The following TASP1 variants were observed in gnomAD, a reference collection of about 807,000 sequenced individuals.
TASP1 encodes taspase 1.
A neutral mutation model predicts 56.6 loss-of-function variants in TASP1; 16 were observed. That is an observed-to-expected ratio of 0.28 (90% CI 0.19 to 0.43). The LOEUF (loss-of-function observed/expected upper bound fraction) is 0.43, where lower values mean the gene tolerates loss of function less well. Ranked by LOEUF, TASP1 falls within the 20% of genes least tolerant of loss-of-function variation. The pLI is 1.00. For missense variants in TASP1, 393 were observed against 511.6 expected, an observed-to-expected ratio of 0.77 and a Z score of 2.24; for synonymous variants, 179 against 184.2, an observed-to-expected ratio of 0.97 and a Z score of 0.23.
intron 8 of TASP1, among the ~76,000 whole-genome samples, chr20:13,538,869 C>T (rs2045514441): frequency 6.6e-6 from 1 of 151,980 alleles, no homozygotes; most frequent in South Asian, 2.1e-4. Context: ...ATGGTGAAAC[C>T]CTGTCTCTAC....
chr20:13,126,802 C>T, the TASP1 span: 10 of 1,515,780 alleles, frequency 6.6e-6, no homozygotes, highest in Non-Finnish European at 8.9e-6. Context: ...CAAATACACA[C>T]CTTTATCTTA....
At chr20:13,205,997 G>A in the TASP1 span, among the ~76,000 whole-genome samples, 3 of 152,212 alleles carry the variant, frequency 2.0e-5, no homozygotes, top group Admixed American at 6.5e-5. Context: ...CTCCATCACC[G>A]GGTGCAGGTC....
chr20:13,614,102 C>T (rs1324783998), intron 4 of TASP1, among the ~76,000 whole-genome samples: 1 of 152,132 alleles, frequency 6.6e-6, no homozygotes, highest in African/African-American at 2.4e-5. Flanking sequence ...GAGGAAATTA[C>T]TCAACTTAGA....
At chr20:13,531,927 G>A (rs1432503053) in intron 9 of TASP1, among the ~76,000 whole-genome samples, 1 of 152,156 alleles carries the variant, frequency 6.6e-6, no homozygotes, top group Admixed American at 6.5e-5. Flanking sequence ...GCCTCCCAAA[G>A]TGCTGGGAAT....
At chr20:13,125,943 A>G in the TASP1 span, among the ~76,000 whole-genome samples, 1 of 152,200 alleles carries the variant, frequency 6.6e-6, no homozygotes, top group Non-Finnish European at 1.5e-5. Context: ...CTATTTTTGT[A>G]AACACTGCTA....
chr20:13,147,288 A>T, the TASP1 span, among the ~76,000 whole-genome samples: 2 of 152,104 alleles, frequency 1.3e-5, no homozygotes, highest in South Asian at 4.2e-4. Context: ...CTCTTAGCAA[A>T]CCACTCCAAA....
chr20:13,524,044 G>C (rs2044873570), intron 10 of TASP1, among the ~76,000 whole-genome samples: 2 of 152,080 alleles, frequency 1.3e-5, no homozygotes, highest in Admixed American at 1.3e-4. Context: ...ACCTACTTGG[G>C]AGGCTGAGGC....
chr20:13,351,586 A>G, the TASP1 span, among the ~76,000 whole-genome samples: 1 of 152,214 alleles, frequency 6.6e-6, no homozygotes, highest in Non-Finnish European at 1.5e-5. Context: ...TGAAAAGGTA[A>G]AACTATAGGA....
chr20:13,196,569 G>A, the TASP1 span, among the ~76,000 whole-genome samples: 2 of 152,092 alleles, frequency 1.3e-5, no homozygotes, highest in African/African-American at 2.4e-5. Context: ...AGGATGTTCA[G>A]CACTTCATAT....
At chr20:13,392,648 T>C (rs905659805) in intron 13 of TASP1, 3 of 426,836 alleles carry the variant, frequency 7.0e-6, no homozygotes, top group African/African-American at 4.1e-5. Flanking sequence ...GACAGCCGCA[T>C]CTTCTCATGC....
At chr20:13,615,502 G>GTTTTTTTTT (rs756677945) in intron 4 of TASP1, among the ~76,000 whole-genome samples, 2 of 132,216 alleles carry the variant, frequency 1.5e-5, no homozygotes, top group Non-Finnish European at 3.3e-5. Flanking sequence ...TGAGAATCTG[G>GTTTTTTTTT]TTTTTTTTTT....
At chr20:13,180,875 T>C in the TASP1 span, among the ~76,000 whole-genome samples, 2 of 152,168 alleles carry the variant, frequency 1.3e-5, no homozygotes, top group African/African-American at 4.8e-5. Context: ...AATGATCTGG[T>C]TAAAAGATCA....
chr20:13,576,354 A>G (rs1006957662), intron 6 of TASP1, among the ~76,000 whole-genome samples: 40 of 109,580 alleles, frequency 3.7e-4, no homozygotes, highest in African/African-American at 1.3e-3. Flanking sequence ...AGAAAGAAAG[A>G]AAGAAAGAAA....
chr20:13,332,701 T>C, the TASP1 span, among the ~76,000 whole-genome samples: 1 of 152,222 alleles, frequency 6.6e-6, no homozygotes, highest in African/African-American at 2.4e-5. Context: ...AAAGAAAATA[T>C]AGATTATCCT....
At chr20:13,281,643 T>A in the TASP1 span, among the ~76,000 whole-genome samples, 1 of 152,094 alleles carries the variant, frequency 6.6e-6, no homozygotes, top group East Asian at 1.9e-4. Flanking sequence ...TCTGCCTTTC[T>A]GGGGAAAAAA....
At chr20:13,225,132 C>T in the TASP1 span, among the ~76,000 whole-genome samples, 448 of 152,122 alleles carry the variant, frequency 2.9e-3, 1 homozygote, top group African/African-American at 9.7e-3. Flanking sequence ...GGATTACAGG[C>T]GTGAGCCACC....
chr20:13,475,609 G>C (rs767453405), intron 11 of TASP1, among the ~76,000 whole-genome samples: 3 of 151,982 alleles, frequency 2.0e-5, no homozygotes, highest in African/African-American at 4.8e-5. Flanking sequence ...TAAAGTCTTT[G>C]GTAGGCCAGG....
intron 13 of TASP1, among the ~76,000 whole-genome samples, chr20:13,413,102 C>T (rs1029433518): frequency 6.6e-6 from 1 of 152,140 alleles, no homozygotes; most frequent in African/African-American, 2.4e-5. Context: ...TTTATTTTAA[C>T]TGCATGGCCC....
intron 11 of TASP1, among the ~76,000 whole-genome samples, chr20:13,477,804 G>A (rs938913147): frequency 6.6e-6 from 1 of 152,116 alleles, no homozygotes; most frequent in African/African-American, 2.4e-5. Context: ...ATTTTTATGA[G>A]TTTTGTATGT....
Sources: allele counts gnomAD v4.1 joint callset (sites outside exome capture counted in the v4.1 genomes callset), GRCh38; gene constraint gnomAD v4.1.1; transcripts MANE v1.5; gene names NCBI Gene and HGNC (gene_info 2026-07-23, HGNC 2026-07-21).